The following COL4A3 variants were observed in gnomAD, a reference collection of about 807,000 sequenced individuals.
COL4A3 encodes collagen alpha-3(IV) chain.
COL4A3 carries 135 observed loss-of-function variants against 217.4 expected under a neutral mutation model. That is an observed-to-expected ratio of 0.62 (90% CI 0.54 to 0.72). The LOEUF is 0.72. COL4A3 is among the 30% of genes least tolerant of loss of function. The pLI, the probability that COL4A3 is intolerant of heterozygous loss-of-function variation, is 0.00. For synonymous variants in COL4A3, 690 were observed against 736.3 expected (o/e 0.94, Z 1.02); for missense variants, 1,868 against 2,119.9 (o/e 0.88, Z 2.33).
intron 4 of COL4A3, among the ~76,000 whole-genome samples, chr2:227,244,580 A>G (rs189360045): frequency 3.9e-5 from 6 of 152,326 alleles, no homozygotes; most frequent in African/African-American, 1.4e-4. Flanking sequence ...GAACCTCTGG[A>G]GTGATAAAGA....
At chr2:227,221,894 T>C (rs1275921020) in intron 1 of COL4A3, among the ~76,000 whole-genome samples, 1 of 151,670 alleles carries the variant, frequency 6.6e-6, no homozygotes, top group African/African-American at 2.4e-5. Context: ...AAAGTGAAAA[T>C]AAGTGACTGA....
Position 227,282,567 on chromosome 2 carries a change from T to G in COL4A3, c.2656+35T>G. The G allele has an allele frequency of 1.9e-6, 3 of 1,578,864 alleles. No homozygotes were observed. Among genetic ancestry groups the G allele is most frequent in the Non-Finnish European group, 2.6e-6 (3 of 1,151,476 alleles). The stretch of plus-strand genomic sequence containing the variant: ...TGTGTGTTTCTATTTTTCTTCTTAT[T>G]TCTTCTTCTTCTTAAGGTGGCTCTG... On this transcript the variant is annotated intron_variant, in intron 32 of 51. Coordinates refer to ENST00000396578, the MANE Select transcript of COL4A3 (RefSeq NM_000091.5). The surrounding 1 kb of genome is among the most constrained non-coding windows in gnomAD (Gnocchi z 4.4).
intron 40 of COL4A3, 52 bp downstream of exon 40, chr2:227,295,114 A>G (rs2072971184): frequency 6.4e-6 from 10 of 1,553,384 alleles, no homozygotes; most frequent in Non-Finnish European, 8.9e-6. Flanking sequence ...GGATAGAATC[A>G]TTAGTAACAG....
Position 227,307,915 on chromosome 2 carries a change from C to T in COL4A3, c.4458C>T (p.Asp1486=). ...VQGNQRAHGQ[D]LGTLGSCLQR... is the part of the protein sequence containing the mutation. The stretch of plus-strand genomic sequence containing the variant: ...GAAATCAACGAGCCCACGGACAAGA[C>T]CTTGGTAATGTCCCAGTCCCAGTTG... Residue 1486 remains aspartate (D), a synonymous_variant, in exon 48 of 52, where the codon GAC becomes GAT. Coordinates refer to ENST00000396578, the MANE Select transcript of COL4A3 (RefSeq NM_000091.5). The T allele has an allele frequency of 6.2e-7, 1 of 1,613,888 alleles. No homozygotes were observed.
rs1028103292 is a variant in COL4A3 at position 227,263,979 on chromosome 2, G to A, written c.1315+35G>A. 4 of 1,613,020 alleles carry A rather than the reference G, an allele frequency of 2.5e-6. No individual in the cohort carries two copies. In the African/African-American group the frequency reaches 4.0e-5, roughly 16 times the overall value. On this transcript the variant is annotated intron_variant, in intron 21 of 51. Transcript: ENST00000396578. Reference sequence around the variant, plus strand: ...TGGAAGGGGACCCCTTTTGTGCACAGTGCCAAATGACAGATGTGTGCAAAC... The same window carrying A: ...TGGAAGGGGACCCCTTTTGTGCACAATGCCAAATGACAGATGTGTGCAAAC...
intron 18 of COL4A3, among the ~76,000 whole-genome samples, chr2:227,258,795 G>A (rs2070360372): frequency 6.6e-6 from 1 of 152,186 alleles, no homozygotes; most frequent in African/African-American, 2.4e-5. Context: ...TTGCCAGGAA[G>A]ATTAAATAAG....
intron 23 of COL4A3, among the ~76,000 whole-genome samples, chr2:227,267,687 A>C (rs1056039475): frequency 2.6e-5 from 4 of 152,184 alleles, no homozygotes; most frequent in African/African-American, 9.7e-5. Flanking sequence ...CCCTGCATTA[A>C]TAAATCTTCC....
intron 1 of COL4A3, among the ~76,000 whole-genome samples, chr2:227,173,583 C>T (rs1217463567): frequency 6.6e-6 from 1 of 152,196 alleles, no homozygotes; most frequent in Admixed American, 6.5e-5. Flanking sequence ...TACAAAACTT[C>T]GGGTAAACAT....
intron 9 of COL4A3, among the ~76,000 whole-genome samples, chr2:227,249,232 T>TATATATATATATATATATAGATA: frequency 7.0e-5 from 1 of 14,206 alleles, no homozygotes; most frequent in South Asian, 3.5e-3. Flanking sequence ...ATATATATAT[T>TATATATATATATATATATAGATA]TTTTTTTTTT....
At chr2:227,307,075 G>A (rs2073535740) in intron 47 of COL4A3, among the ~76,000 whole-genome samples, 1 of 152,090 alleles carries the variant, frequency 6.6e-6, no homozygotes, top group Non-Finnish European at 1.5e-5. Context: ...CCAAAGTATA[G>A]AAAGTTTTTC....
intron 1 of COL4A3, among the ~76,000 whole-genome samples, chr2:227,235,795 T>C (rs6747136): frequency 0.6 from 83,103 of 137,440 alleles, 25,325 homozygotes; most frequent in Non-Finnish European, 0.65. Context: ...TTTTTTTTAA[T>C]GGAGTTTTGC....
chr2:227,282,273 AAAATATATATATATATAT>A lies in COL4A3; in HGVS notation c.2489-90_2489-73del, dbSNP rs2072020944. 3 of 427,276 alleles carry A rather than the reference AAAATATATATATATATAT, an allele frequency of 7.0e-6. No individual in the cohort carries two copies. The African/African-American group carries it at 1.5e-4, about 22-fold the overall frequency. 26.5% of individuals were successfully genotyped at this position (427,276 alleles called of 1,614,324 possible). On this transcript the variant is annotated intron_variant, in intron 31 of 51. Coordinates refer to ENST00000396578, the MANE Select transcript of COL4A3 (RefSeq NM_000091.5). The surrounding 1 kb of genome is among the most constrained non-coding windows in gnomAD (Gnocchi z 4.4). ...GAAGACAGAGGGAGATTCCATCTTA[AAAATATATATATATATAT>A]ATATATATATTTCTGAAGTTAGTAG...
At chr2:227,284,983 G>A (rs1179224740) in intron 34 of COL4A3, among the ~76,000 whole-genome samples, 1 of 152,034 alleles carries the variant, frequency 6.6e-6, no homozygotes, top group Non-Finnish European at 1.5e-5. Context: ...CAAATTTTCA[G>A]AAGCCCTCCC....
intron 1 of COL4A3, among the ~76,000 whole-genome samples, chr2:227,175,301 A>G (rs4675150): frequency 0.47 from 71,887 of 151,848 alleles, 18,862 homozygotes; most frequent in African/African-American, 0.72. Context: ...GTGACACCCC[A>G]TCTCTACTAA....
At chr2:227,202,763 A>ATATATTATATATATATATATATATG in intron 1 of COL4A3, among the ~76,000 whole-genome samples, 1 of 109,630 alleles carries the variant, frequency 9.1e-6, no homozygotes, top group Admixed American at 1.0e-4. Flanking sequence ...ATATATATAT[A>ATATATTATATATATATATATATATG]TATATATATC....
At chr2:227,221,694 G>C (rs12620824) in intron 1 of COL4A3, among the ~76,000 whole-genome samples, 26,767 of 70,422 alleles carry the variant, frequency 0.38, 3,005 homozygotes, top group East Asian at 0.64. Context: ...ATTAGTTAAC[G>C]TGTGTATTAT....
Position 227,298,788 on chromosome 2 carries a change from A to C in COL4A3, c.3858A>C (p.Gly1286=), listed in dbSNP as rs1453889728. 6.2e-7 allele frequency: 1 copy of C among 1,613,986 alleles called. No homozygotes were observed. The highest frequency in any genetic ancestry group is 2.2e-5 in the East Asian group (1 of 44,872). Residue 1286 remains glycine, a synonymous_variant, in exon 43 of 52, where the codon GGA becomes GGC. Coordinates refer to ENST00000396578, the MANE Select transcript of COL4A3 (RefSeq NM_000091.5). ...PGPKGPPGTA[G]DMGPPGRLGA... ...CAAAAGGTCCACCTGGAACTGCAGG[A>C]GACATGGGACCACCAGGTCGTCTGG...
At chr2:227,226,236 T>C (rs1308735764) in intron 1 of COL4A3, among the ~76,000 whole-genome samples, 6 of 152,132 alleles carry the variant, frequency 3.9e-5, no homozygotes, top group Admixed American at 3.9e-4. Flanking sequence ...CCCTGTGAAG[T>C]TCAAAACATG....
intron 1 of COL4A3, among the ~76,000 whole-genome samples, chr2:227,229,645 T>C (rs1189680371): frequency 3.3e-5 from 5 of 152,198 alleles, no homozygotes; most frequent in African/African-American, 1.2e-4. Context: ...TGAGTCCTTA[T>C]TGAGTGCAGG....
Sources: gnomAD v4.1 joint callset for allele counts (sites outside exome capture counted in the v4.1 genomes callset) on GRCh38, gnomAD v4.1.1 for gene constraint, Gnocchi (gnomAD v3.1) non-coding constraint, MANE v1.5 for transcripts, NCBI Gene and HGNC (gene_info 2026-07-23, HGNC 2026-07-21) for gene names.